The following LRP1B variants were observed in gnomAD, a reference collection of about 807,000 sequenced individuals.
The protein encoded by LRP1B is low-density lipoprotein receptor-related protein 1B.
A neutral mutation model predicts 556.6 loss-of-function variants in LRP1B; 217 were observed. The observed-to-expected ratio is 0.39, with a 90% CI of 0.35 to 0.44. The LOEUF is 0.44. Among genes scored for constraint, LRP1B ranks in the 20% least tolerant of loss-of-function variants. The pLI is 1.00. For synonymous variants in LRP1B, 2,047 were observed against 1,865.8 expected, an observed-to-expected ratio of 1.10 and a Z score of -2.50; for missense variants, 5,053 against 5,620.8, an observed-to-expected ratio of 0.90 and a Z score of 3.23.
Position 140,772,179 on chromosome 2 carries a change from T to C in LRP1B, c.5501-1173A>G, listed in dbSNP as rs1689335658. Among the ~76,000 whole-genome samples the C allele has an allele frequency of 1.3e-5, 2 of 152,096 alleles. 1 individual carries two copies. Among genetic ancestry groups the C allele is most frequent in the South Asian group, 4.1e-4 (2 of 4,832 alleles). Reference sequence around the variant, plus strand: ...ATTACATTTATCCTATATAAACTAATAAAAATTAACTGATTCATTCCACAT... The same window carrying C: ...ATTACATTTATCCTATATAAACTAACAAAAATTAACTGATTCATTCCACAT... On this transcript the variant is annotated intron_variant, in intron 33 of 90. Transcript: ENST00000389484.
intron 2 of LRP1B, among the ~76,000 whole-genome samples, chr2:141,743,531 AGAGTTGCTACTG>A (rs1693798679): frequency 8.4e-6 from 1 of 119,320 alleles, no homozygotes; most frequent in Admixed American, 1.1e-4. Flanking sequence ...TAGTTTGAGT[AGAGTTGCTACTG>A]GTTTTGCTTT....
intron 1 of LRP1B, among the ~76,000 whole-genome samples, chr2:141,824,969 TA>T (rs980602877): frequency 6.6e-6 from 1 of 152,164 alleles, no homozygotes; most frequent in African/African-American, 2.4e-5. Context: ...CGATGGTTTT[TA>T]AAGTGGTAGT....
chr2:140,630,727 A>G (rs145707656), intron 41 of LRP1B, among the ~76,000 whole-genome samples: 1 of 152,326 alleles, frequency 6.6e-6, no homozygotes, highest in Non-Finnish European at 1.5e-5. Flanking sequence ...TTAAAAAATA[A>G]ACTCAGAATT....
chr2:141,863,856 G>A (rs779993659), intron 1 of LRP1B, among the ~76,000 whole-genome samples: 2 of 151,844 alleles, frequency 1.3e-5, no homozygotes, highest in African/African-American at 2.4e-5. Flanking sequence ...CATGGTGGTC[G>A]CATAACCCTA....
chr2:141,283,577 C>G (rs914095919), intron 3 of LRP1B, among the ~76,000 whole-genome samples: 2 of 149,774 alleles, frequency 1.3e-5, no homozygotes, highest in African/African-American at 4.9e-5. Flanking sequence ...ATGGAAACAG[C>G]AAAGTCCTTG....
intron 1 of LRP1B, among the ~76,000 whole-genome samples, chr2:142,130,426 G>C (rs1707809641): frequency 1.3e-5 from 2 of 152,210 alleles, no homozygotes; most frequent in South Asian, 2.1e-4. Flanking sequence ...ACCGGGAAAC[G>C]GCCAAAGGGA....
intron 3 of LRP1B, among the ~76,000 whole-genome samples, chr2:141,468,961 G>A (rs1682350069): frequency 2.0e-5 from 3 of 152,116 alleles, no homozygotes; most frequent in Admixed American, 1.3e-4. Flanking sequence ...CCGCTTCATG[G>A]TTTTTTACAA....
intron 32 of LRP1B, among the ~76,000 whole-genome samples, chr2:140,811,742 T>A (rs1690932534): frequency 6.6e-6 from 1 of 151,928 alleles, no homozygotes. Context: ...TACTAAGTAA[T>A]ATATTCTGTT....
intron 1 of LRP1B, among the ~76,000 whole-genome samples, chr2:142,128,282 A>G (rs540607961): frequency 2.5e-4 from 38 of 152,294 alleles, no homozygotes; most frequent in African/African-American, 8.7e-4. Context: ...GCTACCTATT[A>G]CACAATAAGT....
At chr2:140,834,898 G>T (rs1273057600) in intron 31 of LRP1B, among the ~76,000 whole-genome samples, 2 of 152,064 alleles carry the variant, frequency 1.3e-5, no homozygotes, top group East Asian at 1.9e-4. Context: ...TATAAAATTG[G>T]TGTGTAAATT....
chr2:140,867,823 A>G lies in LRP1B; in HGVS notation c.4346T>C (p.Ile1449Thr). 1 of 1,553,376 alleles carries G rather than the reference A, an allele frequency of 6.4e-7. No individual in the cohort carries two copies. The highest frequency in any genetic ancestry group is 8.7e-7 in the Non-Finnish European group (1 of 1,149,810). Reference sequence around the variant, plus strand: ...TGTTCCATCATAGAGGGCTGAATAAATAGCATCTGACCTACAGAAAGATAA... The same window carrying G: ...TGTTCCATCATAGAGGGCTGAATAAGTAGCATCTGACCTACAGAAAGATAA... ...IVWTDARSDA[I>T]YSALYDGTNM... The change falls in exon 27 of 91, where the codon ATT becomes ACT. Residue 1449 changes from isoleucine to threonine, a missense_variant. Physicochemically the swap from Ile to Thr is moderately conservative, Grantham distance 89 (BLOSUM62 -1). Transcript: ENST00000389484.
intron 41 of LRP1B, among the ~76,000 whole-genome samples, chr2:140,694,703 T>C (rs954229514): frequency 3.3e-5 from 5 of 152,164 alleles, no homozygotes; most frequent in African/African-American, 1.2e-4. Flanking sequence ...CTATTAAATC[T>C]ATTAGTTTAT....
chr2:141,211,593 G>C (rs960509679), intron 6 of LRP1B, among the ~76,000 whole-genome samples: 4 of 152,020 alleles, frequency 2.6e-5, no homozygotes, highest in Admixed American at 2.6e-4. Flanking sequence ...CTCTAGCCTG[G>C]GAGACAGAGC....
chr2:140,819,306 T>G (rs1691239001), intron 31 of LRP1B, among the ~76,000 whole-genome samples: 1 of 152,192 alleles, frequency 6.6e-6, no homozygotes, highest in African/African-American at 2.4e-5. Flanking sequence ...TTACTAAAAA[T>G]GTTGAGATTA....
intron 67 of LRP1B, among the ~76,000 whole-genome samples, chr2:140,381,167 G>A (rs556467099): frequency 2.0e-4 from 31 of 151,628 alleles, no homozygotes; most frequent in Non-Finnish European, 3.8e-4. Context: ...ATGTAATTTA[G>A]TTACCACGGA....
At chr2:141,103,472 T>A (rs1343221213) in intron 7 of LRP1B, among the ~76,000 whole-genome samples, 1 of 148,366 alleles carries the variant, frequency 6.7e-6, no homozygotes, top group African/African-American at 2.5e-5. Flanking sequence ...GATTGACTAA[T>A]TAAATTGGGA....
At chr2:140,967,918 T>C (rs1696282721) in intron 18 of LRP1B, among the ~76,000 whole-genome samples, 2 of 150,794 alleles carry the variant, frequency 1.3e-5, no homozygotes, top group African/African-American at 2.4e-5. Flanking sequence ...ATAAGCTTTT[T>C]GATGTGCTGC....
chr2:141,883,848 A>T (rs1574461172), intron 1 of LRP1B, among the ~76,000 whole-genome samples: 2 of 152,190 alleles, frequency 1.3e-5, no homozygotes, highest in African/African-American at 4.8e-5. Context: ...AAAGAAAACA[A>T]CAACAACAAC....
At chr2:141,248,313 T>C (rs1684141544) in intron 4 of LRP1B, among the ~76,000 whole-genome samples, 1 of 152,154 alleles carries the variant, frequency 6.6e-6, no homozygotes, top group African/African-American at 2.4e-5. Flanking sequence ...CAATAAAATA[T>C]GGTCCCTACC....
Sources: gnomAD v4.1 joint callset for allele counts (sites outside exome capture counted in the v4.1 genomes callset) on GRCh38, gnomAD v4.1.1 for gene constraint, MANE v1.5 for transcripts, NCBI Gene and HGNC (gene_info 2026-07-23, HGNC 2026-07-21) for gene names.